The following ERC2 variants were observed in gnomAD, a reference collection of about 807,000 sequenced individuals.
The protein encoded by ERC2 is ERC protein 2.
In ERC2, 42 loss-of-function variants were observed where a neutral mutation model predicts 114.8. The observed-to-expected ratio is 0.37, with a 90% CI of 0.29 to 0.47. The LOEUF is 0.47. ERC2 is among the 20% of genes least tolerant of loss of function. ERC2 has a pLI of 0.99. For synonymous variants in ERC2, 454 were observed against 425.5 expected (o/e 1.07, Z -0.82); for missense variants, 939 against 1,150.7 (o/e 0.82, Z 2.66).
chr3:56,032,854 G>T (rs1426063894), intron 7 of ERC2, among the ~76,000 whole-genome samples: 1 of 110,314 alleles, frequency 9.1e-6, no homozygotes, highest in East Asian at 2.9e-4. Flanking sequence ...ACAAAAGAAA[G>T]AAAGGAAAGA....
chr3:55,634,723 A>G (rs2059889263), intron 17 of ERC2, among the ~76,000 whole-genome samples: 1 of 152,206 alleles, frequency 6.6e-6, no homozygotes, highest in Non-Finnish European at 1.5e-5. Context: ...TCACATGGAG[A>G]TGCTGGCAAA....
intron 6 of ERC2, among the ~76,000 whole-genome samples, chr3:56,099,608 A>T (rs2078244780): frequency 6.6e-6 from 1 of 152,152 alleles, no homozygotes; most frequent in South Asian, 2.1e-4. Context: ...AGTACACGGG[A>T]TCTCCACAGT....
intron 14 of ERC2, among the ~76,000 whole-genome samples, chr3:55,835,086 T>G (rs2060809968): frequency 2.0e-5 from 3 of 151,730 alleles, no homozygotes; most frequent in East Asian, 1.9e-4. Flanking sequence ...AATAACAGGC[T>G]CTGAAATTGT....
intron 14 of ERC2, among the ~76,000 whole-genome samples, chr3:55,887,423 C>T (rs960288164): frequency 1.3e-5 from 2 of 152,076 alleles, no homozygotes; most frequent in Non-Finnish European, 2.9e-5. Context: ...TGCTGGGTCA[C>T]GATAAGGTCA....
chr3:55,984,348 G>A (rs1435036297), intron 12 of ERC2, among the ~76,000 whole-genome samples: 4 of 152,020 alleles, frequency 2.6e-5, no homozygotes, highest in African/African-American at 9.7e-5. Context: ...AAAAACCACA[G>A]TAGTGTATAG....
chr3:55,549,930 AAGAGAGAGAG>A (rs372694701), intron 17 of ERC2, among the ~76,000 whole-genome samples: 2 of 94,050 alleles, frequency 2.1e-5, no homozygotes, highest in African/African-American at 4.2e-5. Flanking sequence ...CGACACACAC[AAGAGAGAGAG>A]AGAGAGAGAG....
intron 14 of ERC2, among the ~76,000 whole-genome samples, chr3:55,776,301 G>A (rs1305839710): frequency 2.0e-5 from 3 of 152,106 alleles, no homozygotes; most frequent in Admixed American, 2.0e-4. Flanking sequence ...GAGAAGATAA[G>A]GGCAGAAATG....
At chr3:55,807,214 A>G (rs572864944) in intron 14 of ERC2, among the ~76,000 whole-genome samples, 2 of 152,324 alleles carry the variant, frequency 1.3e-5, no homozygotes, top group Non-Finnish European at 2.9e-5. Context: ...CACTAGAGTA[A>G]AAGTTTCTCT....
At chr3:56,367,560 C>A (rs913856849) in intron 2 of ERC2, among the ~76,000 whole-genome samples, 6 of 152,100 alleles carry the variant, frequency 3.9e-5, no homozygotes, top group African/African-American at 1.4e-4. Flanking sequence ...TCCATCCCAC[C>A]CATGGGCCAG....
intron 2 of ERC2, among the ~76,000 whole-genome samples, chr3:56,424,490 G>A (rs1307706096): frequency 1.3e-5 from 2 of 152,288 alleles, no homozygotes; most frequent in South Asian, 4.1e-4. Context: ...TTCTAGGGCC[G>A]ACTGCAAGAG....
At chr3:56,036,556 C>T (rs1239681907) in intron 7 of ERC2, among the ~76,000 whole-genome samples, 1 of 152,104 alleles carries the variant, frequency 6.6e-6, no homozygotes, top group Non-Finnish European at 1.5e-5. Context: ...AATCCTGCAC[C>T]TCCAGCTGAG....
chr3:56,044,257 C>T lies in ERC2; in HGVS notation c.1642-25226G>A, dbSNP rs1411503477. On this transcript the variant is annotated intron_variant, in intron 7 of 17. Coordinates refer to ENST00000288221, the MANE Select transcript of ERC2 (RefSeq NM_015576.3). ...TGGGAAACATTTTTTCAAGGTCATT[C>T]TAAGACAGCTATAAAACTGTGCTAT... Among the ~76,000 whole-genome samples the T allele has an allele frequency of 5.9e-5, 9 of 152,194 alleles. No individual in the cohort carries two copies. In the South Asian group the frequency reaches 1.7e-3, roughly 28 times the overall value.
At chr3:55,837,045 C>A (rs1335493174) in intron 14 of ERC2, among the ~76,000 whole-genome samples, 2 of 152,122 alleles carry the variant, frequency 1.3e-5, no homozygotes, top group Non-Finnish European at 1.5e-5. Flanking sequence ...CAAATCAAAA[C>A]CACAATGAGA....
intron 3 of ERC2, 81 bp downstream of exon 3, chr3:56,295,938 C>T (rs2055400847): frequency 1.4e-6 from 2 of 1,418,070 alleles, no homozygotes; most frequent in Non-Finnish European, 1.9e-6. Flanking sequence ...ATGTAGATAT[C>T]TTCCAACCTG....
At chr3:55,511,682 G>C (rs1575425472) in intron 17 of ERC2, among the ~76,000 whole-genome samples, 1 of 152,068 alleles carries the variant, frequency 6.6e-6, no homozygotes, top group East Asian at 1.9e-4. Flanking sequence ...TTTTTAACTT[G>C]ATTTTATGGA....
intron 1 of ERC2, among the ~76,000 whole-genome samples, chr3:56,447,667 C>A (rs1197211558): frequency 6.6e-6 from 1 of 151,604 alleles, no homozygotes; most frequent in Admixed American, 6.6e-5. Flanking sequence ...TTAATATATT[C>A]TCTTTTCATT....
chr3:56,153,401 T>G (rs2081533220), intron 4 of ERC2, among the ~76,000 whole-genome samples: 1 of 152,128 alleles, frequency 6.6e-6, no homozygotes, highest in South Asian at 2.1e-4. Context: ...CAAATCCATA[T>G]TTTCACAAGA....
At chr3:56,085,073 T>C (rs979091309) in intron 6 of ERC2, among the ~76,000 whole-genome samples, 1 of 152,144 alleles carries the variant, frequency 6.6e-6, no homozygotes, top group Non-Finnish European at 1.5e-5. Context: ...CCAAGAGGTG[T>C]GAACAGATCA....
intron 2 of ERC2, among the ~76,000 whole-genome samples, chr3:56,429,744 G>A (rs1200804530): frequency 2.0e-5 from 3 of 152,192 alleles, no homozygotes; most frequent in Non-Finnish European, 4.4e-5. Flanking sequence ...AATGGAGGAA[G>A]GGGTGGCATA....
Sources: allele counts gnomAD v4.1 joint callset (sites outside exome capture counted in the v4.1 genomes callset), GRCh38; gene constraint gnomAD v4.1.1; transcripts MANE v1.5; gene names NCBI Gene and HGNC (gene_info 2026-07-23, HGNC 2026-07-21).